Variants in CDH23 observed in about 807,000 individuals in gnomAD.
CDH23 encodes cadherin related 23, also known as cadherin-23.
In CDH23, 189 loss-of-function variants were observed where a neutral mutation model predicts 317.1. The observed-to-expected ratio is 0.60, with a 90% CI of 0.53 to 0.67. The LOEUF is 0.67. Ranked by LOEUF, CDH23 falls within the 30% of genes least tolerant of loss-of-function variation. The pLI, the probability that CDH23 is intolerant of heterozygous loss-of-function variation, is 0.00. For synonymous variants in CDH23, 1,839 were observed against 1,876.8 expected (o/e 0.98, Z 0.52); for missense variants, 4,401 against 4,592.4 (o/e 0.96, Z 1.20).
At chr10:71,739,503 G>A in intron 35 of CDH23, 141 bp from the exon 36 acceptor site, 1 of 1,008,772 alleles carries the variant, frequency 9.9e-7, no homozygotes, top group Admixed American at 2.6e-5. Context: ...AATCACTTCT[G>A]CTTAAAACAC....
chr10:71,414,462 G>C (rs943910410), intron 1 of CDH23, among the ~76,000 whole-genome samples: 9 of 152,096 alleles, frequency 5.9e-5, no homozygotes, highest in African/African-American at 2.2e-4. Context: ...AAATTACACT[G>C]GTTGATTTTC....
chr10:71,542,868 C>T (rs1213977763), intron 6 of CDH23, among the ~76,000 whole-genome samples: 1 of 152,242 alleles, frequency 6.6e-6, no homozygotes, highest in African/African-American at 2.4e-5. Context: ...AGGCTCTGAA[C>T]AGCAAGCCCC....
intron 16 of CDH23, 43 bp downstream of exon 16, chr10:71,677,736 C>G: frequency 1.4e-6 from 2 of 1,454,484 alleles, no homozygotes; most frequent in East Asian, 2.5e-5. Flanking sequence ...TTTATCTTAG[C>G]CTTCTCCCTG....
intron 3 of CDH23, among the ~76,000 whole-genome samples, chr10:71,467,227 T>G (rs2153449): frequency 6.6e-6 from 1 of 151,942 alleles, no homozygotes; most frequent in Non-Finnish European, 1.5e-5. Context: ...GTTCAGTGTA[T>G]TAACTGTACA....
At chr10:71,511,625 A>G (rs1440119784) in intron 6 of CDH23, among the ~76,000 whole-genome samples, 2 of 152,146 alleles carry the variant, frequency 1.3e-5, no homozygotes, top group African/African-American at 2.4e-5. Context: ...CTCAGGGAGC[A>G]TGCAGTTCTA....
rs551079203 is a variant in CDH23, at chr10:71,565,295, C to T, written c.430-1447C>T. Among the ~76,000 whole-genome samples the T allele has an allele frequency of 2.5e-4, 38 of 152,116 alleles. No homozygotes were observed. The South Asian group carries it at 5.8e-3, about 23-fold the overall frequency. On this transcript the variant is annotated intron_variant, in intron 6 of 69. Transcript: ENST00000224721. The stretch of plus-strand genomic sequence containing the variant: ...CCCCTAGGGCTGAAGGGAAAGGAGA[C>T]GAAAATTGTATTATCAGAGCCCACT...
chr10:71,597,648 G>T (rs931856747), intron 9 of CDH23, among the ~76,000 whole-genome samples: 16 of 152,134 alleles, frequency 1.1e-4, no homozygotes, highest in African/African-American at 3.9e-4. Flanking sequence ...GGAAGGAGAG[G>T]TGTGGCCCTG....
intron 16 of CDH23, 133 bp downstream of exon 16, chr10:71,677,826 TAC>T: frequency 1.4e-6 from 1 of 734,326 alleles, no homozygotes; most frequent in Non-Finnish European, 2.3e-6. Context: ...AGTGCAGTGG[TAC>T]AATCAGAGTT....
chr10:71,398,576 T>C (rs1847640057), intron 1 of CDH23, among the ~76,000 whole-genome samples: 1 of 151,700 alleles, frequency 6.6e-6, no homozygotes, highest in Non-Finnish European at 1.5e-5. Flanking sequence ...ATGGTGATGA[T>C]GAGTCAGCCC....
intron 3 of CDH23, among the ~76,000 whole-genome samples, chr10:71,449,492 T>A (rs1275545308): frequency 6.6e-6 from 1 of 152,158 alleles, no homozygotes; most frequent in Non-Finnish European, 1.5e-5. Flanking sequence ...TTCTGATTGC[T>A]GGAGCCTCAT....
chr10:71,645,909 G>T lies in CDH23; in HGVS notation c.1219G>T (p.Gly407Trp). ...HFIISPTSVQGKADIRIRVAI... is the reference protein window; with the variant it reads ...HFIISPTSVQWKADIRIRVAI... ...CATCATCTCCCCGACCTCCGTCCAG[G>T]GGAAGGCGGACATTCGTATTCGGGT... is the stretch of plus-strand genomic sequence containing the variant. The change falls in exon 13 of 70, where the codon GGG becomes TGG. Residue 407 changes from glycine to tryptophan, a missense_variant. Physicochemically the swap from Gly to Trp is radical, Grantham distance 184 (BLOSUM62 -2). Around this residue, in one of 3 missense-constraint regions of CDH23, gnomAD observed 3,068 missense variants for 3,203.3 expected, o/e 0.96. Coordinates refer to ENST00000224721, the MANE Select transcript of CDH23 (RefSeq NM_022124.6). The T allele has an allele frequency of 6.2e-7, 1 of 1,613,684 alleles. No homozygotes were observed. Among genetic ancestry groups the T allele is most frequent in the Non-Finnish European group, 8.5e-7 (1 of 1,179,752 alleles).
At chr10:71,752,961 T>A in intron 38 of CDH23, 5 of 1,612,302 alleles carry the variant, frequency 3.1e-6, no homozygotes, top group Non-Finnish European at 4.2e-6. Flanking sequence ...CAAGAAGGTC[T>A]CCATGGGCCT....
At chr10:71,479,689 C>T (rs57360357) in intron 3 of CDH23, among the ~76,000 whole-genome samples, 63,776 of 151,862 alleles carry the variant, frequency 0.42, 13,683 homozygotes, top group East Asian at 0.53. Context: ...CTGCCCCTGC[C>T]AGGAAGTTAG....
rs80188267 is a variant in CDH23, at chr10:71,694,636, G to A, written c.2289+377G>A. On this transcript the variant is annotated intron_variant, in intron 21 of 69. Transcript: ENST00000224721. Reference sequence around the variant, plus strand: ...AAGAGCAGCTCAGAGCAGGAAGCAGGGCCCTGGAGGGTCCCTGGGGGCTTG... The same window carrying A: ...AAGAGCAGCTCAGAGCAGGAAGCAGAGCCCTGGAGGGTCCCTGGGGGCTTG... Among the ~76,000 whole-genome samples, 5 of 152,116 alleles carry A rather than the reference G, an allele frequency of 3.3e-5. No individual in the cohort carries two copies. The East Asian group carries it at 9.7e-4, about 29-fold the overall frequency.
chr10:71,711,502 G>A (rs1327918961), intron 27 of CDH23, among the ~76,000 whole-genome samples: 1 of 152,084 alleles, frequency 6.6e-6, no homozygotes, highest in East Asian at 1.9e-4. Context: ...CTCCAGGGAG[G>A]ACAACCCAAG....
intron 3 of CDH23, among the ~76,000 whole-genome samples, chr10:71,464,073 T>G (rs74144989): frequency 0.022 from 3,335 of 152,312 alleles, 126 homozygotes; most frequent in African/African-American, 0.076. Flanking sequence ...CAAACAGAGT[T>G]GAAGTGACTT....
In CDH23 at chr10:71,635,057, C is replaced by T. The variant is rs55813282; in HGVS notation, c.1135-8804C>T. 4.0e-3 allele frequency among the ~76,000 whole-genome samples: 612 copies of T among 152,348 alleles called. 6 individuals are homozygous for T. The highest frequency in any genetic ancestry group is 4.2e-3 in the Non-Finnish European group (286 of 68,036). On this transcript the variant is annotated intron_variant, in intron 11 of 69. Transcript: ENST00000224721. ...TGGCTGGGTCCCAGGAGTTGGAAGT[C>T]TGTGCCCAGGAACAGGAGTGGGTAC...
chr10:71,739,009 C>A (rs958089999), intron 35 of CDH23, among the ~76,000 whole-genome samples: 4 of 152,224 alleles, frequency 2.6e-5, no homozygotes, highest in Admixed American at 1.3e-4. Context: ...CGCTTGCTGT[C>A]GCTCCAGGTT....
At chr10:71,623,659 C>G (rs1469522437) in intron 11 of CDH23, among the ~76,000 whole-genome samples, 2 of 152,210 alleles carry the variant, frequency 1.3e-5, no homozygotes, top group Non-Finnish European at 2.9e-5. Context: ...ATTCCAGTGT[C>G]TGACGGTTTA....
Sources: allele counts gnomAD v4.1 joint callset (sites outside exome capture counted in the v4.1 genomes callset), GRCh38; gene constraint gnomAD v4.1.1; regional missense constraint gnomAD v4.1.1; transcripts MANE v1.5; gene names NCBI Gene and HGNC (gene_info 2026-07-23, HGNC 2026-07-21).